COMMD10: variants seen among roughly 807,000 people sequenced by gnomAD.
The protein encoded by COMMD10 is COMM domain-containing protein 10.
A neutral mutation model predicts 28.9 loss-of-function variants in COMMD10; 33 were observed. The observed-to-expected ratio is 1.14, with a 90% confidence interval of 0.87 to 1.53. COMMD10 has a LOEUF of 1.53. COMMD10 is among the 40% of genes most tolerant of loss of function. The pLI is 0.00. For missense variants in COMMD10, 310 were observed against 233.4 expected (o/e 1.33, Z -2.14); for synonymous variants, 110 against 81.7 (o/e 1.35, Z -1.87).
At chr5:116,238,370 G>T (rs1749733804) in intron 5 of COMMD10, among the ~76,000 whole-genome samples, 1 of 152,028 alleles carries the variant, frequency 6.6e-6, no homozygotes, top group Admixed American at 6.6e-5. Flanking sequence ...ACTTAAATTG[G>T]GCAATTCTCA....
chr5:116,086,085 A>G (rs1160371240), intron 1 of COMMD10, among the ~76,000 whole-genome samples: 2 of 152,230 alleles, frequency 1.3e-5, no homozygotes, highest in South Asian at 2.1e-4. Context: ...GGGAATTTAA[A>G]TACCCTCTAG....
intron 4 of COMMD10, among the ~76,000 whole-genome samples, chr5:116,129,299 C>T: frequency 6.7e-6 from 1 of 148,480 alleles, no homozygotes; most frequent in Non-Finnish European, 1.5e-5. Flanking sequence ...TTACCTGTCT[C>T]ACAGGGTTGT....
At chr5:116,110,748 C>T (rs1751015650) in intron 4 of COMMD10, among the ~76,000 whole-genome samples, 1 of 152,076 alleles carries the variant, frequency 6.6e-6, no homozygotes, top group Admixed American at 6.5e-5. Context: ...ACAATCATAG[C>T]AAAAGGTGAA....
intron 5 of COMMD10, among the ~76,000 whole-genome samples, chr5:116,170,134 G>A (rs1753272886): frequency 2.0e-5 from 3 of 152,154 alleles, no homozygotes; most frequent in African/African-American, 2.4e-5. Flanking sequence ...AGCAACTTCA[G>A]CAAAGTCTCA....
At chr5:116,289,029 A>C (rs1043692076) in intron 5 of COMMD10, among the ~76,000 whole-genome samples, 3 of 150,700 alleles carry the variant, frequency 2.0e-5, no homozygotes. Context: ...TTAAAGGTGC[A>C]TGCCACCATG....
intron 4 of COMMD10, among the ~76,000 whole-genome samples, chr5:116,097,842 T>A (rs1005709960): frequency 1.3e-5 from 2 of 151,926 alleles, no homozygotes; most frequent in Non-Finnish European, 2.9e-5. Flanking sequence ...TACATACTTT[T>A]GAACAAGCAG....
Position 116,292,850 on chromosome 5 carries a change from A to G in COMMD10, c.*361A>G, listed in dbSNP as rs1751407234. 2 of 394,988 alleles carry G rather than the reference A, an allele frequency of 5.1e-6. No homozygotes were observed. The highest frequency in any genetic ancestry group is 4.5e-6 in the Non-Finnish European group (1 of 224,278). 24.5% of individuals were successfully genotyped at this position (394,988 alleles called of 1,614,324 possible). A position where few individuals can be genotyped will look rare whatever the true frequency, so the allele number is the denominator to read the frequency against. Reference sequence around the variant, plus strand: ...GTATCAAGGAGCGTCCATGGATACAAGATAAGATGTGTACCTTAGTAGAAT... The same window carrying G: ...GTATCAAGGAGCGTCCATGGATACAGGATAAGATGTGTACCTTAGTAGAAT... On this transcript the variant is annotated 3_prime_UTR_variant, in exon 7 of 7. Coordinates refer to ENST00000274458, the MANE Select transcript of COMMD10 (RefSeq NM_016144.4).
At chr5:116,107,757 G>A (rs1750890815) in intron 4 of COMMD10, among the ~76,000 whole-genome samples, 1 of 148,894 alleles carries the variant, frequency 6.7e-6, no homozygotes, top group Non-Finnish European at 1.5e-5. Context: ...GAGGAGAAGA[G>A]CTGTTCTGGT....
intron 5 of COMMD10, among the ~76,000 whole-genome samples, chr5:116,210,696 A>G (rs1202251988): frequency 6.6e-6 from 1 of 152,112 alleles, no homozygotes; most frequent in East Asian, 1.9e-4. Flanking sequence ...GCTAAATGCA[A>G]CCACTTCTTA....
At chr5:116,094,622 A>G (rs772036661) in intron 4 of COMMD10, among the ~76,000 whole-genome samples, 89 of 152,214 alleles carry the variant, frequency 5.8e-4, no homozygotes, top group Non-Finnish European at 1.1e-3. Flanking sequence ...AGATTTCTCA[A>G]AAAACTAAAA....
At chr5:116,152,936 G>T (rs1240705091) in intron 5 of COMMD10, among the ~76,000 whole-genome samples, 1 of 151,986 alleles carries the variant, frequency 6.6e-6, no homozygotes, top group Non-Finnish European at 1.5e-5. Flanking sequence ...AGGTAGCTTT[G>T]TGAGTGGGTA....
chr5:116,180,921 G>A (rs1747935171), intron 5 of COMMD10, among the ~76,000 whole-genome samples: 4 of 152,086 alleles, frequency 2.6e-5, no homozygotes, highest in Admixed American at 2.6e-4. Context: ...GGGAGGCTGA[G>A]GCGGGCAGAT....
intron 5 of COMMD10, among the ~76,000 whole-genome samples, chr5:116,260,630 T>A (rs1266041769): frequency 6.6e-6 from 1 of 151,796 alleles, no homozygotes; most frequent in Non-Finnish European, 1.5e-5. Flanking sequence ...GAGTATTAGG[T>A]GTTATAGTAA....
intron 5 of COMMD10, among the ~76,000 whole-genome samples, chr5:116,231,147 A>G: frequency 6.6e-6 from 1 of 152,188 alleles, no homozygotes; most frequent in East Asian, 1.9e-4. Context: ...AATAAGGTCA[A>G]GCTGATTCTA....
chr5:116,089,506 T>C (rs9326985), intron 2 of COMMD10, among the ~76,000 whole-genome samples: 136,937 of 152,304 alleles, frequency 0.9, 61,698 homozygotes, highest in African/African-American at 0.94. Flanking sequence ...CTCTTATACA[T>C]GTCTTTTGTT....
chr5:116,227,548 C>G (rs763608699), intron 5 of COMMD10, among the ~76,000 whole-genome samples: 1 of 152,032 alleles, frequency 6.6e-6, no homozygotes, highest in African/African-American at 2.4e-5. Context: ...GTTTTGTCTC[C>G]TCTGCCACAG....
chr5:116,091,737 C>T (rs1320607528), intron 3 of COMMD10, among the ~76,000 whole-genome samples: 1 of 152,178 alleles, frequency 6.6e-6, no homozygotes, highest in East Asian at 1.9e-4. Context: ...ATACCTCCTT[C>T]ACCAGATTCT....
At chr5:116,237,822 C>A (rs1749712038) in intron 5 of COMMD10, among the ~76,000 whole-genome samples, 1 of 152,082 alleles carries the variant, frequency 6.6e-6, no homozygotes, top group Admixed American at 6.6e-5. Context: ...AATCTTAAAT[C>A]TCTGATCTGT....
intron 4 of COMMD10, among the ~76,000 whole-genome samples, chr5:116,126,498 A>G (rs1051584567): frequency 1.3e-4 from 19 of 151,970 alleles, no homozygotes; most frequent in African/African-American, 3.1e-4. Flanking sequence ...CAAAGCTGGA[A>G]GCATCACATT....
Sources: gnomAD v4.1 joint callset for allele counts (sites outside exome capture counted in the v4.1 genomes callset) on GRCh38, gnomAD v4.1.1 for gene constraint, MANE v1.5 for transcripts, NCBI Gene and HGNC (gene_info 2026-07-23, HGNC 2026-07-21) for gene names.